Variants in FRMD6 observed in about 807,000 individuals in gnomAD.
FRMD6 encodes FERM domain-containing protein 6.
In FRMD6, 37 loss-of-function variants were observed where a neutral mutation model predicts 73.2. The ratio of observed to expected loss-of-function variants is 0.51; its 90% CI spans 0.39 to 0.66. FRMD6 has a LOEUF of 0.66. Ranked by LOEUF, FRMD6 falls within the 30% of genes least tolerant of loss-of-function variation. The pLI is 0.00. For synonymous variants in FRMD6, 273 were observed against 282.2 expected, an observed-to-expected ratio of 0.97 and a Z score of 0.33; for missense variants, 714 against 780.5, an observed-to-expected ratio of 0.91 and a Z score of 1.02.
At chr14:51,536,813 A>G (rs557173238) in intron 1 of FRMD6, among the ~76,000 whole-genome samples, 1 of 152,210 alleles carries the variant, frequency 6.6e-6, no homozygotes, top group South Asian at 2.1e-4. Context: ...AACACTTTAC[A>G]TGGTGGAGTG....
chr14:51,664,913 C>A (rs924967611), intron 1 of FRMD6, among the ~76,000 whole-genome samples: 1 of 152,116 alleles, frequency 6.6e-6, no homozygotes, highest in African/African-American at 2.4e-5. Flanking sequence ...GGAATAATTT[C>A]GCAGTGCTGG....
chr14:51,397,616 A>G, the FRMD6 span, among the ~76,000 whole-genome samples: 5 of 152,298 alleles, frequency 3.3e-5, no homozygotes, highest in South Asian at 2.1e-4. Flanking sequence ...CTTTGTTAAT[A>G]AATTGGTTGT....
At chr14:51,472,665 T>C in the FRMD6 span, among the ~76,000 whole-genome samples, 2 of 152,324 alleles carry the variant, frequency 1.3e-5, no homozygotes, top group Admixed American at 1.3e-4. Context: ...ACAGGGACCC[T>C]CCTTTTCAGT....
intron 1 of FRMD6, among the ~76,000 whole-genome samples, chr14:51,500,153 A>C (rs1030007582): frequency 1.3e-5 from 2 of 152,230 alleles, no homozygotes; most frequent in East Asian, 3.8e-4. Flanking sequence ...CTGCATTTTA[A>C]AGCGTTTTGG....
intron 2 of FRMD6, among the ~76,000 whole-genome samples, chr14:51,580,872 C>T (rs918235317): frequency 1.3e-5 from 2 of 152,228 alleles, no homozygotes; most frequent in Non-Finnish European, 2.9e-5. Flanking sequence ...GGATCTGTAA[C>T]TGTTCCTGGG....
the FRMD6 span, among the ~76,000 whole-genome samples, chr14:51,468,404 A>G: frequency 1.3e-5 from 2 of 152,082 alleles, no homozygotes; most frequent in Non-Finnish European, 2.9e-5. Context: ...TTTATTTTAA[A>G]ATTTTTGCTA....
intron 1 of FRMD6, among the ~76,000 whole-genome samples, chr14:51,524,298 A>AAC (rs1885109163): frequency 6.6e-6 from 1 of 152,084 alleles, no homozygotes; most frequent in South Asian, 2.1e-4. Context: ...TTTAAAATAT[A>AAC]ATATATATAA....
At chr14:51,536,568 C>A (rs1297113638) in intron 1 of FRMD6, among the ~76,000 whole-genome samples, 2 of 152,114 alleles carry the variant, frequency 1.3e-5, no homozygotes, top group East Asian at 1.9e-4. Context: ...CAGGTGCCTG[C>A]CACCACACCT....
At chr14:51,521,242 T>A (rs1178831029) in intron 1 of FRMD6, among the ~76,000 whole-genome samples, 1 of 152,198 alleles carries the variant, frequency 6.6e-6, no homozygotes, top group Admixed American at 6.5e-5. Flanking sequence ...TTTTATTCAA[T>A]GTAAGTTGTA....
chr14:51,611,122 C>T (rs898838365), intron 2 of FRMD6, among the ~76,000 whole-genome samples: 1 of 152,018 alleles, frequency 6.6e-6, no homozygotes, highest in African/African-American at 2.4e-5. Flanking sequence ...AGCAGGATCT[C>T]CAGAGAGTGT....
At chr14:51,420,066 C>G in the FRMD6 span, among the ~76,000 whole-genome samples, 2 of 152,120 alleles carry the variant, frequency 1.3e-5, no homozygotes, top group Non-Finnish European at 2.9e-5. Context: ...AATAAAATAT[C>G]GTGAAAGTGA....
At chr14:51,590,273 T>A (rs1273678392) in intron 2 of FRMD6, among the ~76,000 whole-genome samples, 1 of 152,172 alleles carries the variant, frequency 6.6e-6, no homozygotes, top group African/African-American at 2.4e-5. Context: ...TTTCCAGATG[T>A]TTGACCAGAG....
At chr14:51,714,828 A>G (rs1471088411) in intron 9 of FRMD6, 1 of 152,200 alleles carries the variant, frequency 6.6e-6, no homozygotes, top group East Asian at 1.9e-4. Context: ...ATATAGCTCC[A>G]TGAGGGTAGG....
chr14:51,445,825 C>A, the FRMD6 span, among the ~76,000 whole-genome samples: 1 of 152,124 alleles, frequency 6.6e-6, no homozygotes, highest in African/African-American at 2.4e-5. Flanking sequence ...TGTAATTTTG[C>A]GTTTACCCAT....
chr14:51,538,985 T>C (rs1019960864), intron 1 of FRMD6, among the ~76,000 whole-genome samples: 3 of 152,138 alleles, frequency 2.0e-5, no homozygotes, highest in African/African-American at 7.2e-5. Context: ...ATTGCTAGCA[T>C]CTAGAAATAC....
the FRMD6 span, among the ~76,000 whole-genome samples, chr14:51,406,416 A>G: frequency 6.6e-6 from 1 of 152,058 alleles, no homozygotes; most frequent in East Asian, 1.9e-4. Context: ...TGTGGGCAAT[A>G]TGGCCATTTT....
At chr14:51,660,651 A>G (rs926778860) in intron 1 of FRMD6, among the ~76,000 whole-genome samples, 8 of 150,510 alleles carry the variant, frequency 5.3e-5, no homozygotes, top group African/African-American at 2.0e-4. Flanking sequence ...CGTGGACCTT[A>G]TATTCTATTA....
the FRMD6 span, among the ~76,000 whole-genome samples, chr14:51,427,593 T>C: frequency 6.6e-6 from 1 of 152,240 alleles, no homozygotes; most frequent in Non-Finnish European, 1.5e-5. Flanking sequence ...AAATTTGTCA[T>C]GGGTCACGTG....
chr14:51,627,930 A>G (rs1191939181), intron 2 of FRMD6, among the ~76,000 whole-genome samples: 1 of 152,240 alleles, frequency 6.6e-6, no homozygotes, highest in Non-Finnish European at 1.5e-5. Context: ...ATGGTATAGC[A>G]TTTACGTGTA....
Sources: allele counts gnomAD v4.1 joint callset (sites outside exome capture counted in the v4.1 genomes callset), GRCh38; gene constraint gnomAD v4.1.1; transcripts MANE v1.5; gene names NCBI Gene and HGNC (gene_info 2026-07-23, HGNC 2026-07-21).